The following SH2D4A variants were observed in gnomAD, a reference collection of about 807,000 sequenced individuals.
SH2D4A encodes the protein SH2 domain containing 4A.
A neutral mutation model predicts 64.7 loss-of-function variants in SH2D4A; 70 were observed. That is an observed-to-expected ratio of 1.08 (90% CI 0.89 to 1.32). The LOEUF is 1.32. SH2D4A is among the 40% of genes most tolerant of loss of function. The pLI, the probability that SH2D4A is intolerant of heterozygous loss-of-function variation, is 0.00. For synonymous variants in SH2D4A, 268 were observed against 200.7 expected, an observed-to-expected ratio of 1.34 and a Z score of -2.83; for missense variants, 706 against 540.1, an observed-to-expected ratio of 1.31 and a Z score of -3.04.
At chr8:19,317,303 A>ATTTTTTTTTTTTTTTTT (rs761621347) in intron 1 of SH2D4A, among the ~76,000 whole-genome samples, 1 of 97,370 alleles carries the variant, frequency 1.0e-5, no homozygotes, top group Non-Finnish European at 2.0e-5. Flanking sequence ...CAAGACATCC[A>ATTTTTTTTTTTTTTTTT]TTTTTTTTTT....
At chr8:19,394,279 C>G (rs1452265976) in intron 9 of SH2D4A, among the ~76,000 whole-genome samples, 1 of 152,210 alleles carries the variant, frequency 6.6e-6, no homozygotes, top group Non-Finnish European at 1.5e-5. Context: ...CAGCCCAGTT[C>G]TAACAGGCCA....
At chr8:19,329,186 C>G (rs375325968) in intron 2 of SH2D4A, among the ~76,000 whole-genome samples, 44 of 152,290 alleles carry the variant, frequency 2.9e-4, no homozygotes, top group East Asian at 2.5e-3. Context: ...AATTCCATAT[C>G]CATCCTCCCA....
At chr8:19,389,990 G>A (rs1267558607) in intron 8 of SH2D4A, among the ~76,000 whole-genome samples, 1 of 152,218 alleles carries the variant, frequency 6.6e-6, no homozygotes, top group Non-Finnish European at 1.5e-5. Context: ...GCACCAATGT[G>A]TCATAGCCTT....
intron 8 of SH2D4A, among the ~76,000 whole-genome samples, chr8:19,379,445 T>A (rs1190946023): frequency 6.6e-6 from 1 of 152,196 alleles, no homozygotes; most frequent in Non-Finnish European, 1.5e-5. Context: ...TGCTTCCATG[T>A]TTCAGGTATT....
intron 7 of SH2D4A, 42 bp downstream of exon 7, chr8:19,364,324 T>A (rs2052950523): frequency 6.2e-7 from 1 of 1,604,372 alleles, no homozygotes; most frequent in South Asian, 1.1e-5. Flanking sequence ...AACATTGCAA[T>A]GGGCTTTGAA....
chr8:19,323,793 T>A (rs1210632845), intron 2 of SH2D4A, among the ~76,000 whole-genome samples: 1 of 152,206 alleles, frequency 6.6e-6, no homozygotes, highest in East Asian at 1.9e-4. Context: ...CTTAACTGGG[T>A]ATCAGACCCT....
rs73667645 is a variant in SH2D4A, at chr8:19,358,604, A to G, written c.594+1321A>G. On this transcript the variant is annotated intron_variant, in intron 5 of 9. Transcript: ENST00000265807. ...AGCAAGTCAAAGACACAGAGGCACT[A>G]CCTCACTTGGCATGGTGGGGAAAGG... 3.6e-3 allele frequency among the ~76,000 whole-genome samples: 542 copies of G among 152,258 alleles called. 3 individuals carry two copies. Among genetic ancestry groups the G allele is most frequent in the African/African-American group, 0.012 (513 of 41,536 alleles).
intron 8 of SH2D4A, among the ~76,000 whole-genome samples, chr8:19,379,879 A>ATGGAACC (rs2053263544): frequency 6.6e-6 from 1 of 151,996 alleles, no homozygotes; most frequent in Admixed American, 6.6e-5. Context: ...TGGAACTACA[A>ATGGAACC]GTTCCAGTAC....
chr8:19,314,018 G>A (rs937277117), intron 1 of SH2D4A, 195 bp downstream of exon 1: 4 of 1,220,290 alleles, frequency 3.3e-6, no homozygotes, highest in Non-Finnish European at 4.1e-6. Context: ...GGCGGCGAGA[G>A]CGGCCGCGGC....
At chr8:19,371,197 A>T (rs936826092) in intron 7 of SH2D4A, among the ~76,000 whole-genome samples, 1 of 152,168 alleles carries the variant, frequency 6.6e-6, no homozygotes, top group East Asian at 1.9e-4. Context: ...AACAAAAATC[A>T]TGTTAGCATC....
At chr8:19,352,719 A>T (rs975248710) in intron 4 of SH2D4A, among the ~76,000 whole-genome samples, 3 of 152,134 alleles carry the variant, frequency 2.0e-5, no homozygotes, top group African/African-American at 7.2e-5. Flanking sequence ...TTAACAGGTC[A>T]ACTTAGGCCA....
chr8:19,354,115 C>T (rs575372837), intron 4 of SH2D4A, among the ~76,000 whole-genome samples: 2 of 151,892 alleles, frequency 1.3e-5, no homozygotes, highest in South Asian at 2.1e-4. Flanking sequence ...CTCAGCCTCC[C>T]GAATAACTGG....
chr8:19,317,575 G>A (rs889179255), intron 1 of SH2D4A, among the ~76,000 whole-genome samples: 2 of 152,172 alleles, frequency 1.3e-5, no homozygotes, highest in African/African-American at 2.4e-5. Flanking sequence ...ACACCACTCT[G>A]TGGTAGCCTA....
chr8:19,355,545 C>T (rs927538009), intron 4 of SH2D4A, among the ~76,000 whole-genome samples: 4 of 152,178 alleles, frequency 2.6e-5, no homozygotes, highest in Admixed American at 1.3e-4. Flanking sequence ...TATCTGTTGA[C>T]CCGCATCTCA....
At chr8:19,314,330 G>T (rs2052048560) in intron 1 of SH2D4A, among the ~76,000 whole-genome samples, 1 of 152,134 alleles carries the variant, frequency 6.6e-6, no homozygotes, top group South Asian at 2.1e-4. Context: ...CCCGGGAAAC[G>T]GTGGCAGCTG....
At chr8:19,363,943 G>T (rs1234488151) in intron 6 of SH2D4A, 129 bp from the exon 7 acceptor site, 1 of 800,052 alleles carries the variant, frequency 1.2e-6, no homozygotes, top group South Asian at 1.8e-5. Flanking sequence ...GATAATGATT[G>T]TTCCTTATTA....
At chr8:19,382,938 C>G (rs1184165851) in intron 8 of SH2D4A, among the ~76,000 whole-genome samples, 5 of 141,874 alleles carry the variant, frequency 3.5e-5, no homozygotes, top group Admixed American at 7.7e-5. Context: ...TCAAGCAATT[C>G]TCCTGCCTCA....
At chr8:19,333,223 G>A in intron 3 of SH2D4A, 109 bp downstream of exon 3, 1 of 1,287,252 alleles carries the variant, frequency 7.8e-7, no homozygotes, top group South Asian at 1.7e-5. Flanking sequence ...GGGTTGGGTT[G>A]GAGGGTCACA....
chr8:19,330,171 C>T (rs750980531), intron 2 of SH2D4A, among the ~76,000 whole-genome samples: 22 of 152,140 alleles, frequency 1.4e-4, no homozygotes, highest in Non-Finnish European at 2.5e-4. Context: ...ACTACGAAGG[C>T]CTTGAGAGTC....
Sources: allele counts gnomAD v4.1 joint callset (sites outside exome capture counted in the v4.1 genomes callset), GRCh38; gene constraint gnomAD v4.1.1; transcripts MANE v1.5; gene names NCBI Gene and HGNC (gene_info 2026-07-23, HGNC 2026-07-21).